The following PSMC3 variants were observed in gnomAD, a reference collection of about 807,000 sequenced individuals.
The protein encoded by PSMC3 is proteasome 26S subunit, ATPase 3, also known as 26S proteasome regulatory subunit 6A.
In PSMC3, 11 loss-of-function variants were observed where a neutral mutation model predicts 52.0. The ratio of observed to expected loss-of-function variants is 0.21; its 90% CI spans 0.13 to 0.35. The LOEUF (loss-of-function observed/expected upper bound fraction) is 0.35, where lower values mean the gene tolerates loss of function less well. Ranked by LOEUF, PSMC3 falls within the 10% of genes least tolerant of loss-of-function variation. The probability of loss-of-function intolerance (pLI) is 1.00; values close to 1 mark genes in which losing one functional copy is unlikely to be tolerated. For missense variants in PSMC3, 238 were observed against 567.1 expected, an observed-to-expected ratio of 0.42 and a Z score of 5.89; for synonymous variants, 201 against 218.8, an observed-to-expected ratio of 0.92 and a Z score of 0.72.
rs2096043875 is a variant in PSMC3 at position 47,424,162 on chromosome 11, G to A, written c.475C>T (p.Leu159=). 2 of 1,614,082 alleles carry A rather than the reference G, an allele frequency of 1.2e-6. No homozygotes were observed. The highest frequency in any genetic ancestry group is 2.7e-5 in the African/African-American group (2 of 74,920). Residue 159 remains leucine, a synonymous_variant, in exon 6 of 12, where the codon CTG becomes TTG. Coordinates refer to ENST00000298852, the MANE Select transcript of PSMC3 (RefSeq NM_002804.5). This position sits in a 1 kb window ranked among gnomAD's most constrained non-coding sequence, Gnocchi z 4.8. Reference sequence around the variant, plus strand: ...TCTGTGGGCAGCGTCTCCAGGATCAGATAGGAGTCTTTGTTCACACCCTAA... The same window carrying A: ...TCTGTGGGCAGCGTCTCCAGGATCAAATAGGAGTCTTTGTTCACACCCTAA... ...DLVGVNKDSY[L]ILETLPTEYD...
intron 1 of PSMC3, 53 bp from the exon 2 acceptor site, chr11:47,426,003 TC>T: frequency 6.5e-7 from 1 of 1,535,580 alleles, no homozygotes; most frequent in South Asian, 1.1e-5. Context: ...AGGACAAGCA[TC>T]CCTCGTTCTC....
At chr11:47,425,319 G>T in intron 2 of PSMC3, 73 bp from the exon 3 acceptor site, 7 of 1,585,486 alleles carry the variant, frequency 4.4e-6, no homozygotes, top group Non-Finnish European at 5.2e-6. Flanking sequence ...TAACTAGTGA[G>T]GTCCAGGGTG....
chr11:47,426,308 C>T lies in PSMC3; in HGVS notation c.-29G>A, dbSNP rs1565677362. The T allele has an allele frequency of 6.5e-7, 1 of 1,534,980 alleles. No individual in the cohort carries two copies. Among genetic ancestry groups the T allele is most frequent in the Admixed American group, 2.0e-5 (1 of 49,670 alleles). The stretch of plus-strand genomic sequence containing the variant: ...CTGGAGGAGCGGGCAGAAGATGGGA[C>T]CAGGCGGGAGCCGCAACGGGAGATT... On this transcript the variant is annotated 5_prime_UTR_variant, in exon 1 of 12. Transcript: ENST00000298852.
Position 47,426,339 on chromosome 11 carries a change from C to A in PSMC3, c.-60G>T. ...GGGAGCCGCAACGGGAGATTAATAC[C>A]GTCTTTCTTAAAGCCTTCTCTTGAC... On this transcript the variant is annotated 5_prime_UTR_variant, in exon 1 of 12. Coordinates refer to ENST00000298852, the MANE Select transcript of PSMC3 (RefSeq NM_002804.5). 1 of 1,421,066 alleles carries A rather than the reference C, an allele frequency of 7.0e-7. No individual in the cohort carries two copies. The highest frequency in any genetic ancestry group is 2.5e-5 in the East Asian group (1 of 39,922). The allele number at this position is 1,421,066 out of a possible 1,614,324, so 88.0% of individuals were successfully genotyped here.
rs2096042266 is a variant in PSMC3, at chr11:47,422,884, C to T, written c.681G>A (p.Gly227=). 3 of 1,613,678 alleles carry T rather than the reference C, an allele frequency of 1.9e-6. No homozygotes were observed. The highest frequency in any genetic ancestry group is 1.7e-5 in the Admixed American group (1 of 59,940). ...GGAGGGTCTTCCCCGTCCCTGGGGG[C>T]CCATACATCAGCACCCCTTTTGGAG... is the stretch of plus-strand genomic sequence containing the variant. ...IQPPKGVLMY[G]PPGTGKTLLA... is the part of the protein sequence containing the mutation. The change falls in exon 7 of 12, where the codon GGG becomes GGA. Residue 227 remains glycine (G), a synonymous_variant. Transcript: ENST00000298852. The surrounding 1 kb of genome is among the most constrained non-coding windows in gnomAD (Gnocchi z 4.3).
intron 11 of PSMC3, 27 bp from the exon 12 acceptor site, chr11:47,418,972 G>T: frequency 6.2e-7 from 1 of 1,612,698 alleles, no homozygotes; most frequent in Non-Finnish European, 8.5e-7. Flanking sequence ...CAGAGTCTAG[G>T]TCTGAACGCC....
At position 47,420,412 on chromosome 11, in the gene PSMC3, G is replaced by A; in HGVS notation, c.982-3C>T. The A allele has an allele frequency of 6.2e-7, 1 of 1,609,606 alleles. No homozygotes were observed. The highest frequency in any genetic ancestry group is 8.5e-7 in the Non-Finnish European group (1 of 1,177,206). On this transcript the variant is annotated splice_polypyrimidine_tract_variant and splice_region_variant and intron_variant, in intron 9 of 11. Coordinates refer to ENST00000298852, the MANE Select transcript of PSMC3 (RefSeq NM_002804.5). Reference sequence around the variant, plus strand: ...ACCCTGTTTGTGGCTGCAATTACCTGAGGAAGAGAAGCCACAACTTGAAAG... The same window carrying A: ...ACCCTGTTTGTGGCTGCAATTACCTAAGGAAGAGAAGCCACAACTTGAAAG...
rs753755430 is a variant in PSMC3, at chr11:47,425,262, G to A, written c.160-16C>T. ...TCTTCATGATCTGAGATCAGGAGGG[G>A]AGGAGAAGCAAATATAAACCCTGGC... On this transcript the variant is annotated splice_polypyrimidine_tract_variant and intron_variant, in intron 2 of 11. Transcript: ENST00000298852. 1.2e-5 allele frequency: 19 copies of A among 1,613,846 alleles called. 1 individual carries two copies. The East Asian group carries it at 2.5e-4, about 21-fold the overall frequency.
At position 47,422,554 on chromosome 11, in the gene PSMC3, G is replaced by T; in HGVS notation, c.884+20C>A. 6 of 1,613,618 alleles carry T rather than the reference G, an allele frequency of 3.7e-6. No homozygotes were observed. The highest frequency in any genetic ancestry group is 5.1e-6 in the Non-Finnish European group (6 of 1,179,720). ...CCTTACCGCCACAGAGATCGCTAGG[G>T]ACCCTTGGCCCTCCCTTACCGCTTG... On this transcript the variant is annotated intron_variant, in intron 8 of 11. Coordinates refer to ENST00000298852, the MANE Select transcript of PSMC3 (RefSeq NM_002804.5). This position sits in a 1 kb window ranked among gnomAD's most constrained non-coding sequence, Gnocchi z 4.3.
chr11:47,424,356 C>T lies in PSMC3; in HGVS notation c.453+73G>A. The T allele has an allele frequency of 6.3e-7, 1 of 1,575,596 alleles. No homozygotes were observed. Among genetic ancestry groups the T allele is most frequent in the South Asian group, 1.1e-5 (1 of 90,098 alleles). ...CTGTTCTGCCAAGATTCAGAGCCAA[C>T]AGTGACCTGGGGCGGGTACAGGGGC... On this transcript the variant is annotated intron_variant, in intron 5 of 11. Coordinates refer to ENST00000298852, the MANE Select transcript of PSMC3 (RefSeq NM_002804.5). The surrounding 1 kb of genome is among the most constrained non-coding windows in gnomAD (Gnocchi z 4.8).
At chr11:47,426,176 C>A in intron 1 of PSMC3, 29 bp downstream of exon 1, 1 of 1,550,288 alleles carries the variant, frequency 6.5e-7, no homozygotes, top group Non-Finnish European at 8.7e-7. Flanking sequence ...GGCCCCGGTT[C>A]CCGGACCGCC....
chr11:47,423,089 A>G (rs1363915640), intron 6 of PSMC3, 116 bp from the exon 7 acceptor site: 1 of 1,130,506 alleles, frequency 8.8e-7, no homozygotes, highest in Non-Finnish European at 1.2e-6. Flanking sequence ...GGACACGCCC[A>G]TTTCTTTCCC....
chr11:47,426,223 G>A lies in PSMC3; in HGVS notation c.57C>T (p.Thr19=), dbSNP rs866216425. ...SPVTRQEKMA[T]VWDEAEQDGI... ...TGCCCACCTCGGCCTCATCCCACAC[G>A]GTCGCCATCTTCTCCTGCCGAGTCA... The change falls in exon 1 of 12, where the codon ACC becomes ACT. Residue 19 remains threonine (T), a synonymous_variant. Transcript: ENST00000298852. 5 of 1,560,466 alleles carry A rather than the reference G, an allele frequency of 3.2e-6. No individual in the cohort carries two copies. Among genetic ancestry groups the A allele is most frequent in the Non-Finnish European group, 4.3e-6 (5 of 1,153,062 alleles).
At position 47,425,937 on chromosome 11, in the gene PSMC3, C is replaced by T; in HGVS notation, c.89G>A (p.Gly30Glu). ...VWDEAEQDGIGEEVLKMSTEE... is the reference protein window; with the variant it reads ...VWDEAEQDGIEEEVLKMSTEE... ...CGTGGACATCTTGAGCACCTCCTCC[C>T]CAATTCCATCTTGCTGTAAAAAATT... The change falls in exon 2 of 12, where the codon GGG (glycine) becomes GAG (glutamate). Residue 30 changes from glycine to glutamate, a missense_variant. Around this residue, in one of 6 missense-constraint regions of PSMC3, gnomAD observed 48 missense variants for 63.4 expected, o/e 0.76. Transcript: ENST00000298852. 1 of 1,613,264 alleles carries T rather than the reference C, an allele frequency of 6.2e-7. No individual in the cohort carries two copies. The highest frequency in any genetic ancestry group is 8.5e-7 in the Non-Finnish European group (1 of 1,179,174).
chr11:47,419,723 G>A (rs2096037914), intron 10 of PSMC3, among the ~76,000 whole-genome samples: 1 of 152,120 alleles, frequency 6.6e-6, no homozygotes, highest in Admixed American at 6.5e-5. Context: ...GCCGGGCGTG[G>A]TGGCGGGCGC....
Position 47,426,216 on chromosome 11 carries a change from C to T in PSMC3, c.64G>A (p.Asp22Asn), listed in dbSNP as rs1232330566. The change falls in exon 1 of 12, where the codon GAT (aspartate) becomes AAT (asparagine). Residue 22 changes from aspartate (D) to asparagine (N), a missense_variant. Coordinates refer to ENST00000298852, the MANE Select transcript of PSMC3 (RefSeq NM_002804.5). ...CGCCCGGTGCCCACCTCGGCCTCAT[C>T]CCACACGGTCGCCATCTTCTCCTGC... is the stretch of plus-strand genomic sequence containing the variant. ...TRQEKMATVW[D>N]EAEQDGIGEE... 3.8e-6 allele frequency: 6 copies of T among 1,559,928 alleles called. No individual in the cohort carries two copies. Among genetic ancestry groups the T allele is most frequent in the Non-Finnish European group, 5.2e-6 (6 of 1,152,778 alleles).
rs748031376 is a variant in PSMC3, at chr11:47,424,550, C to T, written c.390+57G>A. 1 of 1,606,270 alleles carries T rather than the reference C, an allele frequency of 6.2e-7. No homozygotes were observed. The highest frequency in any genetic ancestry group is 1.7e-5 in the Admixed American group (1 of 60,010). On this transcript the variant is annotated intron_variant, in intron 4 of 11. Transcript: ENST00000298852. The surrounding 1 kb of genome is among the most constrained non-coding windows in gnomAD (Gnocchi z 4.8). The stretch of plus-strand genomic sequence containing the variant: ...TGTCCTCAGGGAAGGCTCCCTAGTC[C>T]TGTCCCACATCCGCTCCTCACCCTC...
Position 47,422,810 on chromosome 11 carries a change from A to C in PSMC3, c.735+20T>G. The C allele has an allele frequency of 6.2e-7, 1 of 1,602,950 alleles. No individual in the cohort carries two copies. Among genetic ancestry groups the C allele is most frequent in the Non-Finnish European group, 8.5e-7 (1 of 1,172,092 alleles). On this transcript the variant is annotated intron_variant, in intron 7 of 11. Transcript: ENST00000298852. The surrounding 1 kb of genome is among the most constrained non-coding windows in gnomAD (Gnocchi z 4.3). The stretch of plus-strand genomic sequence containing the variant: ...TTCTGCTCCTGCCCACTTCCCCCGC[A>C]TCCCTCCCAAAGTACTCACCTTAGT...
chr11:47,424,033 G>A lies in PSMC3; in HGVS notation c.591+13C>T, dbSNP rs1445004218. ...GCTGACAAGGCTGCTGGCAGCTGCCGTGCCTCCCTCACCTCCTGGATCTGC... is the reference window on the plus strand; with the variant it reads ...GCTGACAAGGCTGCTGGCAGCTGCCATGCCTCCCTCACCTCCTGGATCTGC... On this transcript the variant is annotated intron_variant, in intron 6 of 11. Coordinates refer to ENST00000298852, the MANE Select transcript of PSMC3 (RefSeq NM_002804.5). The surrounding 1 kb of genome is among the most constrained non-coding windows in gnomAD (Gnocchi z 4.8). The A allele has an allele frequency of 1.5e-5, 25 of 1,613,998 alleles. No individual in the cohort carries two copies. The highest frequency in any genetic ancestry group is 6.6e-5 in the South Asian group (6 of 91,086).
Sources: allele counts gnomAD v4.1 joint callset (sites outside exome capture counted in the v4.1 genomes callset), GRCh38; gene constraint gnomAD v4.1.1; regional missense constraint gnomAD v4.1.1; non-coding constraint Gnocchi (gnomAD v3.1); transcripts MANE v1.5; gene names NCBI Gene and HGNC (gene_info 2026-07-23, HGNC 2026-07-21).